Variants in GCNT2 observed in about 807,000 individuals in gnomAD.
GCNT2 encodes glucosaminyl (N-acetyl) transferase 2 (I blood group).
Under a neutral mutation model 34.2 loss-of-function variants are expected in GCNT2, and 34 were observed. The observed-to-expected ratio is 1.00, with a 90% CI of 0.76 to 1.32. GCNT2 has a LOEUF of 1.32. GCNT2 is among the 40% of genes most tolerant of loss of function. The probability of loss-of-function intolerance (pLI) is 0.00; values close to 1 mark genes in which losing one functional copy is unlikely to be tolerated. For missense variants in GCNT2, 584 were observed against 489.4 expected (o/e 1.19, Z -1.82); for synonymous variants, 212 against 188.0 (o/e 1.13, Z -1.04).
chr6:10,563,776 AAATATATATATATATAT>A (rs1213624592), intron 3 of GCNT2, among the ~76,000 whole-genome samples: 4 of 36,770 alleles, frequency 1.1e-4, no homozygotes, highest in Non-Finnish European at 2.0e-4. Context: ...AAAAAAAAAA[AAATATATATATATATAT>A]ATATATATAT....
intron 3 of GCNT2, among the ~76,000 whole-genome samples, chr6:10,606,109 G>A (rs1161110376): frequency 1.3e-5 from 2 of 152,244 alleles, no homozygotes; most frequent in Admixed American, 1.3e-4. Context: ...GAGGTCAGGA[G>A]TTTGAGACCA....
At chr6:10,578,575 T>G (rs574654864) in intron 3 of GCNT2, among the ~76,000 whole-genome samples, 17 of 150,808 alleles carry the variant, frequency 1.1e-4, no homozygotes, top group Non-Finnish European at 2.1e-4. Flanking sequence ...GCCTCCCGCG[T>G]AGGTGGGACT....
chr6:10,550,873 G>A (rs1488946151), intron 3 of GCNT2, among the ~76,000 whole-genome samples: 4 of 152,202 alleles, frequency 2.6e-5, no homozygotes, highest in Admixed American at 6.5e-5. Flanking sequence ...TCCAGGTGAT[G>A]AGATGTAAAA....
At chr6:10,525,304 T>C (rs538903913) in intron 1 of GCNT2, among the ~76,000 whole-genome samples, 47 of 152,292 alleles carry the variant, frequency 3.1e-4, no homozygotes, top group Non-Finnish European at 6.3e-4. Context: ...AAACTATAAG[T>C]CTTTGCTGGT....
intron 3 of GCNT2, among the ~76,000 whole-genome samples, chr6:10,533,961 G>A (rs555874887): frequency 4.0e-5 from 6 of 151,684 alleles, no homozygotes; most frequent in Non-Finnish European, 7.4e-5. Flanking sequence ...TAGCAGCACC[G>A]AGACGTTGGC....
chr6:10,545,233 G>T (rs1490164612), intron 3 of GCNT2, among the ~76,000 whole-genome samples: 2 of 151,980 alleles, frequency 1.3e-5, no homozygotes, highest in East Asian at 1.9e-4. Context: ...CCTAGTTGGT[G>T]CCTTTGCTTT....
chr6:10,596,833 G>A (rs1391623674), intron 3 of GCNT2, among the ~76,000 whole-genome samples: 1 of 151,264 alleles, frequency 6.6e-6, no homozygotes, highest in Non-Finnish European at 1.5e-5. Flanking sequence ...TTCCATTACT[G>A]CGTATTCTCA....
At chr6:10,606,776 A>C (rs1405241804) in intron 3 of GCNT2, among the ~76,000 whole-genome samples, 1 of 151,956 alleles carries the variant, frequency 6.6e-6, no homozygotes, top group African/African-American at 2.4e-5. Context: ...TAAAATAAAA[A>C]TCATCACTAA....
intron 4 of GCNT2, among the ~76,000 whole-genome samples, chr6:10,623,177 G>A (rs1766114910): frequency 6.6e-6 from 1 of 151,974 alleles, no homozygotes. Flanking sequence ...TCCCACTGTG[G>A]ACAGCAATGT....
intron 3 of GCNT2, among the ~76,000 whole-genome samples, chr6:10,602,907 C>G (rs1441649828): frequency 6.6e-6 from 1 of 152,178 alleles, no homozygotes; most frequent in Non-Finnish European, 1.5e-5. Flanking sequence ...TGATTTCAGA[C>G]AGAGAGACGA....
chr6:10,601,449 C>G (rs1010964753), intron 3 of GCNT2, among the ~76,000 whole-genome samples: 1 of 152,098 alleles, frequency 6.6e-6, no homozygotes, highest in African/African-American at 2.4e-5. Flanking sequence ...ATCAATCAAT[C>G]AGATCATACA....
Position 10,610,446 on chromosome 6 carries a change from T to A in GCNT2, c.926-10905T>A, listed in dbSNP as rs190375813. Among the ~76,000 whole-genome samples, 17 of 152,278 alleles carry A rather than the reference T, an allele frequency of 1.1e-4. No individual in the cohort carries two copies. In the East Asian group the frequency reaches 3.3e-3, roughly 29 times the overall value. On this transcript the variant is annotated intron_variant, in intron 3 of 4. Transcript: ENST00000495262. Reference sequence around the variant, plus strand: ...AGCTAAAAATTATAAACAGCAGAGATGCATAGGCAGGCGGCCAATGGACCA... The same window carrying A: ...AGCTAAAAATTATAAACAGCAGAGAAGCATAGGCAGGCGGCCAATGGACCA...
chr6:10,544,102 T>TC (rs1762158955), intron 3 of GCNT2, among the ~76,000 whole-genome samples: 1 of 150,092 alleles, frequency 6.7e-6, no homozygotes, highest in South Asian at 2.1e-4. Context: ...TCACCTGAGA[T>TC]CAGGAGTTCG....
At chr6:10,551,752 T>A (rs184202000) in intron 3 of GCNT2, among the ~76,000 whole-genome samples, 315 of 149,946 alleles carry the variant, frequency 2.1e-3, no homozygotes, top group African/African-American at 5.6e-3. Flanking sequence ...TATTTTTTTT[T>A]ATTTTTTATT....
rs116502819 is a variant in GCNT2 at position 10,530,559 on chromosome 6, T to C, written c.925+723T>C. Among the ~76,000 whole-genome samples the C allele has an allele frequency of 7.7e-3, 1,166 of 151,956 alleles. 21 individuals are homozygous for C. Among genetic ancestry groups the C allele is most frequent in the African/African-American group, 0.026 (1,096 of 41,454 alleles). Reference sequence around the variant, plus strand: ...TCAAATTTTTTATTTGCAAGCTCTTTTCTGGTCTTGAATCAAAAATCTAAA... The same window carrying C: ...TCAAATTTTTTATTTGCAAGCTCTTCTCTGGTCTTGAATCAAAAATCTAAA... On this transcript the variant is annotated intron_variant, in intron 3 of 4. Transcript: ENST00000495262.
In GCNT2 at chr6:10,593,215, G is replaced by A. The variant is rs539170081; in HGVS notation, c.926-28136G>A. Among the ~76,000 whole-genome samples, 39 of 152,232 alleles carry A rather than the reference G, an allele frequency of 2.6e-4. No homozygotes were observed. The South Asian group carries it at 7.9e-3, about 31-fold the overall frequency. Reference sequence around the variant, plus strand: ...AACTGAACATGAATTTAATTCTAGCGGAAAGGATGAGCATTCTTTCTACTG... The same window carrying A: ...AACTGAACATGAATTTAATTCTAGCAGAAAGGATGAGCATTCTTTCTACTG... On this transcript the variant is annotated intron_variant, in intron 3 of 4. Transcript: ENST00000495262.
Position 10,530,100 on chromosome 6 carries a change from G to T in GCNT2, c.925+264G>T, listed in dbSNP as rs1030213344. 5.1e-5 allele frequency: 20 copies of T among 392,292 alleles called. 1 individual carries two copies. Among genetic ancestry groups the T allele is most frequent in the African/African-American group, 3.7e-4 (18 of 48,980 alleles). The allele number at this position is 392,292 out of a possible 1,614,324, so 24.3% of individuals were successfully genotyped here. ...AACGTGACCGAGCACAGTGGCTCAAGCCTGTAATCACAGCACTTTGGGAGG... is the reference window on the plus strand; with the variant it reads ...AACGTGACCGAGCACAGTGGCTCAATCCTGTAATCACAGCACTTTGGGAGG... On this transcript the variant is annotated intron_variant, in intron 3 of 4. Coordinates refer to ENST00000495262, the MANE Select transcript of GCNT2 (RefSeq NM_145649.5).
Position 10,626,575 on chromosome 6 carries a change from GA to G in GCNT2, c.1180del (p.Thr394LeufsTer17). On this transcript the variant is annotated frameshift_variant, in exon 5 of 5. Coordinates refer to ENST00000495262, the MANE Select transcript of GCNT2 (RefSeq NM_145649.5). LOFTEE classifies it high-confidence loss of function. ...RHRERTLNQS[E>X]TAIQPSWYF Reference sequence around the variant, plus strand: ...TCGCGAAAGAACCCTCAATCAGAGTGAAACTGCGATACAACCCAGCTGGTAT... The same window carrying G: ...TCGCGAAAGAACCCTCAATCAGAGTGAACTGCGATACAACCCAGCTGGTAT... 6.2e-7 allele frequency: 1 copy of G among 1,613,962 alleles called. No homozygotes were observed. Among genetic ancestry groups the G allele is most frequent in the Non-Finnish European group, 8.5e-7 (1 of 1,179,832 alleles).
intron 3 of GCNT2, among the ~76,000 whole-genome samples, chr6:10,559,481 C>T (rs1762875276): frequency 6.6e-6 from 1 of 152,190 alleles, no homozygotes; most frequent in South Asian, 2.1e-4. Context: ...TCTCCAGCTA[C>T]AAAATGGGGA....
Sources: allele counts gnomAD v4.1 joint callset (sites outside exome capture counted in the v4.1 genomes callset), GRCh38; gene constraint gnomAD v4.1.1; transcripts MANE v1.5; gene names NCBI Gene and HGNC (gene_info 2026-07-23, HGNC 2026-07-21).